The following REV3L variants were observed in gnomAD, a reference collection of about 807,000 sequenced individuals.
The protein encoded by REV3L is DNA polymerase zeta catalytic subunit.
Under a neutral mutation model 299.4 loss-of-function variants are expected in REV3L, and 69 were observed. The observed-to-expected ratio is 0.23, with a 90% CI of 0.19 to 0.28. The LOEUF (loss-of-function observed/expected upper bound fraction) is 0.28. REV3L is among the 10% of genes least tolerant of loss of function. The pLI is 1.00. For missense variants in REV3L, 3,128 were observed against 3,693.8 expected, an observed-to-expected ratio of 0.85 and a Z score of 3.97; for synonymous variants, 1,238 against 1,271.4, an observed-to-expected ratio of 0.97 and a Z score of 0.56.
intron 3 of REV3L, among the ~76,000 whole-genome samples, chr6:111,406,261 A>G (rs2128275593): frequency 6.6e-6 from 1 of 152,342 alleles, no homozygotes; most frequent in Non-Finnish European, 1.5e-5. Flanking sequence ...TCACGTAAAT[A>G]AAACTGCACA....
chr6:111,318,418 G>A (rs559506339), intron 26 of REV3L, among the ~76,000 whole-genome samples: 1 of 152,104 alleles, frequency 6.6e-6, no homozygotes, highest in South Asian at 2.1e-4. Flanking sequence ...AGGTGTGACC[G>A]TGCCCGGCCA....
intron 25 of REV3L, among the ~76,000 whole-genome samples, chr6:111,326,295 CAAAT>C (rs1774804846): frequency 6.6e-6 from 1 of 152,014 alleles, no homozygotes; most frequent in Non-Finnish European, 1.5e-5. Context: ...AGGAAAAAAA[CAAAT>C]AATTCGATTA....
At chr6:111,436,692 G>T (rs1787595275) in intron 1 of REV3L, among the ~76,000 whole-genome samples, 1 of 152,058 alleles carries the variant, frequency 6.6e-6, no homozygotes, top group Non-Finnish European at 1.5e-5. Flanking sequence ...TTTGATAGAA[G>T]AAACAAGACC....
intron 5 of REV3L, 119 bp downstream of exon 5, chr6:111,392,757 G>A (rs763056142): frequency 6.4e-6 from 4 of 625,000 alleles, no homozygotes; most frequent in Non-Finnish European, 1.1e-5. Context: ...TCTGTTAAGT[G>A]TATAGATTAA....
intron 22 of REV3L, 54 bp from the exon 23 acceptor site, chr6:111,333,421 C>T: frequency 6.3e-7 from 1 of 1,578,366 alleles, no homozygotes. Context: ...ATATATTGGT[C>T]ATTTGAATAT....
At chr6:111,416,209 C>G in intron 2 of REV3L, 74 bp downstream of exon 2, 1 of 1,005,540 alleles carries the variant, frequency 9.9e-7, no homozygotes, top group East Asian at 2.8e-5. Context: ...TAGAGTTTAT[C>G]AACTGAGTAT....
rs778397130 is a variant in REV3L, at chr6:111,377,793, G to T, written c.1505C>A (p.Ser502Tyr). Reference protein sequence around the residue: ...HRSSTEDDDSSSGEEMEWSDN... With the variant: ...HRSSTEDDDSYSGEEMEWSDN... ...ACTCCATTCCATTTCTTCTCCTGAA[G>T]ATGAGTCATCATCTTCAGTTGAACT... The change falls in exon 12 of 32, where the codon TCT becomes TAT. Residue 502 changes from serine to tyrosine, a missense_variant. By Grantham distance (144) the Ser-to-Tyr change is moderately radical. Transcript: ENST00000368802. The T allele has an allele frequency of 1.7e-5, 28 of 1,613,402 alleles. No individual in the cohort carries two copies. Among genetic ancestry groups the T allele is most frequent in the Non-Finnish European group, 5.9e-6 (7 of 1,179,724 alleles).
At chr6:111,483,279 A>C, upstream of REV3L, 1 of 351,804 alleles carries the variant, frequency 2.8e-6, no homozygotes. Context: ...GGCTGCGAGT[A>C]GTGCGGGGGA....
chr6:111,379,095 T>C (rs953820601), intron 11 of REV3L, among the ~76,000 whole-genome samples: 1 of 152,214 alleles, frequency 6.6e-6, no homozygotes, highest in African/African-American at 2.4e-5. Context: ...TTCACCAAAT[T>C]GGTTCAGCCA....
At chr6:111,429,528 A>G (rs892879249) in intron 1 of REV3L, among the ~76,000 whole-genome samples, 8 of 122,104 alleles carry the variant, frequency 6.6e-5, no homozygotes, top group Admixed American at 6.5e-4. Context: ...TGTACAATCC[A>G]TTTGTAACTC....
rs199723843 is a variant in REV3L at position 111,367,940 on chromosome 6, G to A, written c.5848C>T (p.Arg1950Cys). The A allele has an allele frequency of 5.6e-5, 90 of 1,614,086 alleles. No homozygotes were observed. The East Asian group carries it at 6.7e-4, about 12-fold the overall frequency. The change falls in exon 14 of 32, where the codon CGT becomes TGT. Residue 1950 changes from arginine to cysteine, a missense_variant. Physicochemically the swap from Arg to Cys is radical, Grantham distance 180. Transcript: ENST00000368802. Reference protein sequence around the residue: ...FEGDFSLEGLRLWKTAFSAMT... With the variant: ...FEGDFSLEGLCLWKTAFSAMT... ...GCTGAGAATGCTGTTTTCCAAAGAC[G>A]AAGTCCTTCCAAGGAAAAGTCTCCC...
chr6:111,416,464 T>C lies in REV3L; in HGVS notation c.148A>G (p.Thr50Ala). ...AAGATGCCATGTAGATGAAGACATG[T>C]CTTCTGACCTAAAATGTAACACATT... ...VFGATPAGQK[T>A]CLHLHGIFPY... The change falls in exon 2 of 32, where the codon ACA becomes GCA. Residue 50 changes from threonine (T) to alanine (A), a missense_variant. This residue lies in a region of REV3L where 6 missense variants were observed against 27.5 expected (regional missense o/e 0.22). Coordinates refer to ENST00000368802, the MANE Select transcript of REV3L (RefSeq NM_001372078.1). 1 of 1,611,596 alleles carries C rather than the reference T, an allele frequency of 6.2e-7. No individual in the cohort carries two copies. Among genetic ancestry groups the C allele is most frequent in the Non-Finnish European group, 8.5e-7 (1 of 1,178,384 alleles).
chr6:111,442,853 C>T (rs758975595), intron 1 of REV3L, among the ~76,000 whole-genome samples: 1 of 151,970 alleles, frequency 6.6e-6, no homozygotes, highest in African/African-American at 2.4e-5. Context: ...TATTAATTTG[C>T]AACAATTCAA....
At position 111,322,595 on chromosome 6, in the gene REV3L, A is replaced by C; in HGVS notation, c.8325T>G (p.Ala2775=). 1 of 1,614,020 alleles carries C rather than the reference A, an allele frequency of 6.2e-7. No homozygotes were observed. Among genetic ancestry groups the C allele is most frequent in the African/African-American group, 1.3e-5 (1 of 75,042 alleles). The part of the protein sequence containing the change: ...KLVNDTKKWG[A]RVVYGDTDSM... ...TGTCAGTATCGCCATATACAACCCT[A>C]GCCCCCCATTTCTTGGTATCATTCA... is the stretch of plus-strand genomic sequence containing the variant. The change falls in exon 26 of 32, where the codon GCT becomes GCG. Residue 2775 remains alanine (A), a synonymous_variant. Coordinates refer to ENST00000368802, the MANE Select transcript of REV3L (RefSeq NM_001372078.1).
At chr6:111,301,581 T>C (rs1771530908) in intron 31 of REV3L, among the ~76,000 whole-genome samples, 2 of 151,722 alleles carry the variant, frequency 1.3e-5, no homozygotes, top group South Asian at 4.1e-4. Context: ...TGGCTAACAA[T>C]GAGCTTAAAA....
chr6:111,403,499 T>C (rs1224528823), intron 4 of REV3L, among the ~76,000 whole-genome samples: 2 of 152,204 alleles, frequency 1.3e-5, no homozygotes, highest in East Asian at 3.8e-4. Flanking sequence ...TTGGTTCCTC[T>C]TGCAATATTT....
intron 1 of REV3L, among the ~76,000 whole-genome samples, chr6:111,436,423 T>C (rs1787560350): frequency 6.6e-6 from 1 of 152,164 alleles, no homozygotes; most frequent in African/African-American, 2.4e-5. Context: ...ATGGTATATA[T>C]ACACAATGGA....
intron 25 of REV3L, among the ~76,000 whole-genome samples, chr6:111,327,453 C>T (rs1180860237): frequency 6.6e-6 from 1 of 151,022 alleles, no homozygotes; most frequent in East Asian, 1.9e-4. Context: ...TACTTGGAGG[C>T]AGAGGTGGGA....
chr6:111,359,827 A>G (rs1385349882), intron 16 of REV3L, among the ~76,000 whole-genome samples: 1 of 152,186 alleles, frequency 6.6e-6, no homozygotes, highest in African/African-American at 2.4e-5. Flanking sequence ...CAATATTGGT[A>G]ATTATTCAGA....
Sources: gnomAD v4.1 joint callset for allele counts (sites outside exome capture counted in the v4.1 genomes callset) on GRCh38, gnomAD v4.1.1 for gene constraint, gnomAD v4.1.1 regional missense constraint, MANE v1.5 for transcripts, NCBI Gene and HGNC (gene_info 2026-07-23, HGNC 2026-07-21) for gene names.